The following APLP1 variants were observed in gnomAD, a reference collection of about 807,000 sequenced individuals.
The protein encoded by APLP1 is amyloid beta (A4) precursor-like protein 1.
In APLP1, 46 loss-of-function variants were observed where a neutral mutation model predicts 84.5. That is an observed-to-expected ratio of 0.54 (90% CI 0.43 to 0.70). The LOEUF is 0.70. Ranked by LOEUF, APLP1 falls within the 30% of genes least tolerant of loss-of-function variation. APLP1 has a pLI of 0.00. For missense variants in APLP1, 826 were observed against 900.2 expected (o/e 0.92, Z 1.05); for synonymous variants, 376 against 364.0 (o/e 1.03, Z -0.38).
intron 13 of APLP1, 57 bp from the exon 14 acceptor site, chr19:35,878,527 C>A: frequency 1.3e-6 from 2 of 1,580,536 alleles, no homozygotes; most frequent in Non-Finnish European, 1.7e-6. Context: ...GCCTGGGTGA[C>A]AGAGTGAGAC....
chr19:35,878,985 A>C, intron 15 of APLP1, 33 bp downstream of exon 15: 2 of 1,613,950 alleles, frequency 1.2e-6, no homozygotes, highest in Non-Finnish European at 1.7e-6. Context: ...ACCTAGGGGA[A>C]GAGACCAGAG....
chr19:35,878,175 G>A (rs1974326543), intron 13 of APLP1, 67 bp downstream of exon 13: 3 of 1,542,206 alleles, frequency 1.9e-6, no homozygotes, highest in Non-Finnish European at 2.7e-6. Context: ...AAGGAAACAG[G>A]GTCCATCCAT....
chr19:35,876,469 C>A, intron 10 of APLP1, 48 bp from the exon 11 acceptor site: 2 of 1,517,020 alleles, frequency 1.3e-6, no homozygotes, highest in South Asian at 2.2e-5. Flanking sequence ...GTTTCCTCAT[C>A]TCCAGCCTGC....
Position 35,878,892 on chromosome 19 carries a change from G to A in APLP1, c.1653G>A (p.Val551=), listed in dbSNP as rs770323747. 9.9e-6 allele frequency: 16 copies of A among 1,613,962 alleles called. No individual in the cohort carries two copies. The highest frequency in any genetic ancestry group is 1.3e-5 in the African/African-American group (1 of 74,906). Residue 551 remains valine (V), a splice_region_variant and synonymous_variant, in exon 15 of 17, where the codon GTG becomes GTA. Coordinates refer to ENST00000221891, the MANE Select transcript of APLP1 (RefSeq NM_001024807.3). The part of the protein sequence containing the change: ...MNPLEQYERK[V]NASVPRGFPF... The stretch of plus-strand genomic sequence containing the variant: ...CCTGACACCTCCTGCTCCCCCAGGT[G>A]AATGCGTCTGTTCCAAGGGGTTTCC...
Position 35,878,383 on chromosome 19 carries a change from AAAT to A in APLP1, c.1580-197_1580-195del, listed in dbSNP as rs1310558249. ...CAACATAATGAGACCCTGTACCTACAAATAATTTAAAAATTACCTGGGTGTGGT... is the reference window on the plus strand; with the variant it reads ...CAACATAATGAGACCCTGTACCTACAAATTTAAAAATTACCTGGGTGTGGT... On this transcript the variant is annotated intron_variant, in intron 13 of 16. Transcript: ENST00000221891. The A allele has an allele frequency of 2.5e-5, 16 of 651,562 alleles. No homozygotes were observed. The East Asian group carries it at 4.3e-4, about 18-fold the overall frequency. The allele number at this position is 651,562 out of a possible 1,614,324, so 40.4% of individuals were successfully genotyped here.
chr19:35,873,671 G>A lies in APLP1; in HGVS notation c.1014G>A (p.Gln338=). 6.2e-7 allele frequency: 1 copy of A among 1,614,144 alleles called. No individual in the cohort carries two copies. Among genetic ancestry groups the A allele is most frequent in the East Asian group, 2.2e-5 (1 of 44,872 alleles). Residue 338 remains glutamine (Q), a synonymous_variant, in exon 8 of 17, where the codon CAG becomes CAA. Transcript: ENST00000221891. ...VMREWAMADN[Q]SKNLPKADRQ... ...GTGAATGGGCCATGGCAGACAACCA[G>A]TCCAAGAACCTGCCTAAAGCCGACA...
chr19:35,879,450 C>T lies in APLP1; in HGVS notation c.*9C>T, dbSNP rs2871778. 0.049 allele frequency: 79,228 copies of T among 1,611,724 alleles called. 4,402 individuals carry two copies. Among genetic ancestry groups the T allele is most frequent in the African/African-American group, 0.29 (21,452 of 74,868 alleles). On this transcript the variant is annotated 3_prime_UTR_variant, in exon 17 of 17. Coordinates refer to ENST00000221891, the MANE Select transcript of APLP1 (RefSeq NM_001024807.3). Reference sequence around the variant, plus strand: ...TGGAGGAACGACCCTGACCCGGCCCCCTTCACCCCTTCAGCCGAGCCCAGA... The same window carrying T: ...TGGAGGAACGACCCTGACCCGGCCCTCTTCACCCCTTCAGCCGAGCCCAGA...
At position 35,879,073 on chromosome 19, in the gene APLP1, G is replaced by T; in HGVS notation, c.1714-1G>T. ...CTCTGCCCCATCTCCTCTCCCTGCA[G>T]GCACCAGCTGGGACAGGGGTGTCCC... On this transcript the variant is annotated splice_acceptor_variant, in intron 15 of 16. Transcript: ENST00000221891. LOFTEE classifies it high-confidence loss of function. 2 of 1,612,352 alleles carry T rather than the reference G, an allele frequency of 1.2e-6. No homozygotes were observed. Among genetic ancestry groups the T allele is most frequent in the Non-Finnish European group, 1.7e-6 (2 of 1,179,984 alleles).
rs1599883784 is a variant in APLP1, at chr19:35,871,760, A to C, written c.671+15A>C. 6.2e-7 allele frequency: 1 copy of C among 1,613,798 alleles called. No individual in the cohort carries two copies. The highest frequency in any genetic ancestry group is 8.5e-7 in the Non-Finnish European group (1 of 1,179,906). ...ACAGCAGTTGGGTGAGTGGGAGGGAACCCTCCATGCCCATCTCAAGGTTCC... is the reference window on the plus strand; with the variant it reads ...ACAGCAGTTGGGTGAGTGGGAGGGACCCCTCCATGCCCATCTCAAGGTTCC... On this transcript the variant is annotated intron_variant, in intron 5 of 16. Coordinates refer to ENST00000221891, the MANE Select transcript of APLP1 (RefSeq NM_001024807.3).
rs1974156050 is a variant in APLP1 at position 35,871,857 on chromosome 19, G to A, written c.672-1G>A. ...GCCTGGGTCCTCTCCTGCTCCCTCAGTGACCCCTCCACCCGGTCCTGGCCC... is the reference window on the plus strand; with the variant it reads ...GCCTGGGTCCTCTCCTGCTCCCTCAATGACCCCTCCACCCGGTCCTGGCCC... On this transcript the variant is annotated splice_acceptor_variant, in intron 5 of 16. Transcript: ENST00000221891. LOFTEE classifies it high-confidence loss of function. 6.2e-7 allele frequency: 1 copy of A among 1,613,842 alleles called. No homozygotes were observed. Among genetic ancestry groups the A allele is most frequent in the Non-Finnish European group, 8.5e-7 (1 of 1,179,852 alleles).
chr19:35,878,133 G>T (rs371050994), intron 13 of APLP1, 25 bp downstream of exon 13: 1 of 1,609,120 alleles, frequency 6.2e-7, no homozygotes, highest in Non-Finnish European at 8.5e-7. Flanking sequence ...GTTAACCCCA[G>T]CCTCCAAATC....
rs749833505 is a variant in APLP1 at position 35,879,061 on chromosome 19, C to T, written c.1714-13C>T. The T allele has an allele frequency of 1.2e-6, 2 of 1,612,568 alleles. No individual in the cohort carries two copies. The highest frequency in any genetic ancestry group is 1.1e-5 in the South Asian group (1 of 91,086). On this transcript the variant is annotated splice_polypyrimidine_tract_variant and intron_variant, in intron 15 of 16. Transcript: ENST00000221891. The stretch of plus-strand genomic sequence containing the variant: ...CTCAAAGAAGCCCTCTGCCCCATCT[C>T]CTCTCCCTGCAGGCACCAGCTGGGA...
chr19:35,878,417 A>G, intron 13 of APLP1, 167 bp from the exon 14 acceptor site: 2 of 687,848 alleles, frequency 2.9e-6, no homozygotes, highest in Non-Finnish European at 5.0e-6. Context: ...GTGGTGGGGC[A>G]TGTCTGTAGT....
chr19:35,871,468 C>T, intron 4 of APLP1, 119 bp downstream of exon 4: 1 of 1,354,466 alleles, frequency 7.4e-7, no homozygotes, highest in South Asian at 1.3e-5. Flanking sequence ...CACTTGGGAT[C>T]TAAGAATTTC....
At chr19:35,873,978 G>C (rs994481624) in intron 8 of APLP1, among the ~76,000 whole-genome samples, 1 of 152,196 alleles carries the variant, frequency 6.6e-6, no homozygotes, top group African/African-American at 2.4e-5. Flanking sequence ...CCTGTCCCAA[G>C]CCAGGGCCTC....
chr19:35,869,870 C>A, intron 2 of APLP1, 60 bp downstream of exon 2: 1 of 1,538,968 alleles, frequency 6.5e-7, no homozygotes, highest in Non-Finnish European at 8.7e-7. Context: ...TTGAAAAAGG[C>A]GTGGTCCAGG....
intron 14 of APLP1, 72 bp downstream of exon 14, chr19:35,878,726 G>T (rs1487463585): frequency 1.3e-6 from 2 of 1,573,182 alleles, no homozygotes; most frequent in Non-Finnish European, 1.7e-6. Flanking sequence ...TACGAGGGAG[G>T]AGATGCTGGG....
Position 35,868,740 on chromosome 19 carries a change from C to T in APLP1, c.104C>T (p.Pro35Leu). The T allele has an allele frequency of 7.2e-7, 1 of 1,386,014 alleles. No homozygotes were observed. The highest frequency in any genetic ancestry group is 1.6e-5 in the South Asian group (1 of 63,066). The allele number at this position is 1,386,014 out of a possible 1,614,324, so 85.9% of individuals were successfully genotyped here. ...TTGCTGCTGCTTCTGCGCGCGCAGC[C>T]CGCCATCGGGAGCCTGGCCGGTGGG... ...PLLLLLLRAQ[P>L]AIGSLAGGSP... Residue 35 changes from proline (P) to leucine (L), a missense_variant, in exon 1 of 17, where the codon CCC becomes CTC. By Grantham distance (98) the Pro-to-Leu change is moderately conservative (BLOSUM62 -3). Around this residue, in one of 3 missense-constraint regions of APLP1, gnomAD observed 383 missense variants for 378.3 expected, o/e 1.01. Transcript: ENST00000221891. The surrounding 1 kb of genome is among the most constrained non-coding windows in gnomAD (Gnocchi z 5.2).
intron 14 of APLP1, 29 bp from the exon 15 acceptor site, chr19:35,878,861 T>TG: frequency 6.2e-7 from 1 of 1,613,638 alleles, no homozygotes. Context: ...GCCAGGCTTC[T>TG]GGGTTCCTGA....
Sources: allele counts gnomAD v4.1 joint callset (sites outside exome capture counted in the v4.1 genomes callset), GRCh38; gene constraint gnomAD v4.1.1; regional missense constraint gnomAD v4.1.1; non-coding constraint Gnocchi (gnomAD v3.1); transcripts MANE v1.5; gene names NCBI Gene and HGNC (gene_info 2026-07-23, HGNC 2026-07-21).